The following BCAR3 variants were observed in gnomAD, a reference collection of about 807,000 sequenced individuals.
The protein encoded by BCAR3 is breast cancer anti-estrogen resistance protein 3.
In BCAR3, 37 loss-of-function variants were observed where a neutral mutation model predicts 80.1. That is an observed-to-expected ratio of 0.46 (90% CI 0.36 to 0.61). The LOEUF is 0.61. Among genes scored for constraint, BCAR3 ranks in the 20% least tolerant of loss-of-function variants. The pLI, the probability that BCAR3 is intolerant of heterozygous loss-of-function variation, is 0.00. For synonymous variants in BCAR3, 389 were observed against 418.9 expected (o/e 0.93, Z 0.87); for missense variants, 978 against 1,068.2 (o/e 0.92, Z 1.18).
chr1:93,663,983 C>T (rs772755275), intron 2 of BCAR3, among the ~76,000 whole-genome samples: 18 of 152,182 alleles, frequency 1.2e-4, no homozygotes, highest in Admixed American at 4.6e-4. Context: ...TCATGTACCT[C>T]GACCTTGGGA....
intron 3 of BCAR3, among the ~76,000 whole-genome samples, chr1:93,621,741 T>C (rs560973657): frequency 6.6e-6 from 1 of 152,162 alleles, no homozygotes; most frequent in South Asian, 2.1e-4. Context: ...AGCTACAAGT[T>C]TGACTCTCAA....
chr1:93,807,190 C>CCT (rs1365188291), intron 2 of BCAR3, among the ~76,000 whole-genome samples: 4 of 151,934 alleles, frequency 2.6e-5, no homozygotes, highest in Non-Finnish European at 5.9e-5. Flanking sequence ...TGGAGGAAAG[C>CCT]CTCCTCTCCA....
intron 2 of BCAR3, among the ~76,000 whole-genome samples, chr1:93,842,148 C>CTT (rs3068798): frequency 0.45 from 64,419 of 143,172 alleles, 14,637 homozygotes; most frequent in South Asian, 0.6. Flanking sequence ...ACCTGTCATC[C>CTT]TTTTTTTTTT....
chr1:93,594,027 A>C (rs1192387920), intron 3 of BCAR3, among the ~76,000 whole-genome samples: 2 of 152,212 alleles, frequency 1.3e-5, no homozygotes, highest in Non-Finnish European at 2.9e-5. Context: ...CGCTCCCATC[A>C]TTAATATTGT....
intron 2 of BCAR3, among the ~76,000 whole-genome samples, chr1:93,709,055 G>T (rs1359638472): frequency 6.6e-6 from 1 of 152,142 alleles, no homozygotes; most frequent in Non-Finnish European, 1.5e-5. Flanking sequence ...GAGAAGTGCT[G>T]CGATAAGCTA....
intron 2 of BCAR3, among the ~76,000 whole-genome samples, chr1:93,744,072 C>G (rs372339662): frequency 3.3e-5 from 5 of 152,314 alleles, no homozygotes; most frequent in African/African-American, 1.2e-4. Flanking sequence ...ACCACCCACA[C>G]TGTACATTAC....
In BCAR3 at chr1:93,733,232, G is replaced by C. The variant is rs944964672; in HGVS notation, c.-62-27090C>G. 3.3e-5 allele frequency among the ~76,000 whole-genome samples: 5 copies of C among 152,112 alleles called. No individual in the cohort carries two copies. The South Asian group carries it at 1.0e-3, about 32-fold the overall frequency. On this transcript the variant is annotated intron_variant, in intron 2 of 13. Coordinates refer to the BCAR3 transcript ENST00000370244. Reference sequence around the variant, plus strand: ...GAAGATTTGTCTCCTACTCAGGCCCGCCTGAGGACAAGTTCCCTGGAAGTA... The same window carrying C: ...GAAGATTTGTCTCCTACTCAGGCCCCCCTGAGGACAAGTTCCCTGGAAGTA...
At chr1:93,683,408 C>T (rs192049817), upstream of BCAR3, among the ~76,000 whole-genome samples, 71 of 152,274 alleles carry the variant, frequency 4.7e-4, no homozygotes, top group African/African-American at 1.7e-3. Flanking sequence ...TCTAGAAAAG[C>T]TAAATTAACA....
intron 5 of BCAR3, among the ~76,000 whole-genome samples, chr1:93,585,971 T>C (rs1435730945): frequency 1.3e-5 from 2 of 152,336 alleles, no homozygotes; most frequent in African/African-American, 2.4e-5. Flanking sequence ...ACATGAGATG[T>C]TTTGATACAG....
chr1:93,663,764 T>C (rs570096036), intron 2 of BCAR3, among the ~76,000 whole-genome samples: 21 of 152,290 alleles, frequency 1.4e-4, no homozygotes, highest in East Asian at 7.7e-4. Context: ...TACATCAAAG[T>C]GGCCCTGGCT....
At position 93,661,110 on chromosome 1, in the gene BCAR3, G is replaced by A. The variant is rs573137145; in HGVS notation, c.317+13504C>T. On this transcript the variant is annotated intron_variant, in intron 2 of 11. Coordinates refer to ENST00000260502, the MANE Select transcript of BCAR3 (RefSeq NM_003567.4). ...GCTGGAGTGCAATGGCATGATCTCCGCTCACCACAACCTCCGCCTCCCGGG... is the reference window on the plus strand; with the variant it reads ...GCTGGAGTGCAATGGCATGATCTCCACTCACCACAACCTCCGCCTCCCGGG... Among the ~76,000 whole-genome samples, 9 of 151,912 alleles carry A rather than the reference G, an allele frequency of 5.9e-5. No individual in the cohort carries two copies. In the East Asian group the frequency reaches 7.8e-4, roughly 13 times the overall value.
intron 2 of BCAR3, among the ~76,000 whole-genome samples, chr1:93,821,848 A>G (rs1438720942): frequency 6.6e-6 from 1 of 152,244 alleles, no homozygotes; most frequent in Non-Finnish European, 1.5e-5. Flanking sequence ...AGAATCAATT[A>G]GATTGCTCAG....
upstream of BCAR3, among the ~76,000 whole-genome samples, chr1:93,684,893 C>G (rs1049720499): frequency 6.6e-6 from 1 of 152,148 alleles, no homozygotes; most frequent in African/African-American, 2.4e-5. Flanking sequence ...GCATGCCCAG[C>G]TAATTTTTGT....
intron 7 of BCAR3, among the ~76,000 whole-genome samples, chr1:93,580,030 C>T (rs550804390): frequency 1.1e-4 from 16 of 152,310 alleles, no homozygotes; most frequent in Admixed American, 1.0e-3. Flanking sequence ...CCAGTGCAGC[C>T]CTGGCTCTCT....
chr1:93,591,383 G>A (rs528528378), intron 4 of BCAR3, among the ~76,000 whole-genome samples: 2 of 152,214 alleles, frequency 1.3e-5, no homozygotes, highest in South Asian at 2.1e-4. Context: ...GCTGAGGCAG[G>A]AGAATCGCTT....
chr1:93,837,908 G>A (rs1654824267), intron 2 of BCAR3, among the ~76,000 whole-genome samples: 2 of 152,194 alleles, frequency 1.3e-5, no homozygotes, highest in South Asian at 4.1e-4. Context: ...AAATGTACCT[G>A]AAGAATTAAT....
intron 3 of BCAR3, among the ~76,000 whole-genome samples, chr1:93,610,629 T>A (rs1570966648): frequency 6.6e-6 from 1 of 152,174 alleles, no homozygotes; most frequent in Non-Finnish European, 1.5e-5. Context: ...TAGGCGTCAA[T>A]TGTCTTAATA....
rs1674069743 is a variant in BCAR3, at chr1:93,589,181, G to T, written c.725C>A (p.Ser242Tyr). The T allele has an allele frequency of 6.2e-7, 1 of 1,613,908 alleles. No individual in the cohort carries two copies. Among genetic ancestry groups the T allele is most frequent in the Non-Finnish European group, 8.5e-7 (1 of 1,179,984 alleles). Reference protein sequence around the residue: ...RCYVGNRRPISQQSGAIIFQP... With the variant: ...RCYVGNRRPIYQQSGAIIFQP... ...GAAGATGATGGCGCCACTCTGCTGGGAGATGGGCCGGCGGTTGCCCACGTA... is the reference window on the plus strand; with the variant it reads ...GAAGATGATGGCGCCACTCTGCTGGTAGATGGGCCGGCGGTTGCCCACGTA... The change falls in exon 5 of 12, where the codon TCC becomes TAC. Residue 242 changes from serine to tyrosine, a missense_variant. Coordinates refer to ENST00000260502, the MANE Select transcript of BCAR3 (RefSeq NM_003567.4).
chr1:93,610,890 C>A (rs1055202410), intron 3 of BCAR3, among the ~76,000 whole-genome samples: 2 of 151,796 alleles, frequency 1.3e-5, no homozygotes, highest in Admixed American at 1.3e-4. Flanking sequence ...GAGATCACGC[C>A]ATTGCACTCC....
Sources: allele counts gnomAD v4.1 joint callset (sites outside exome capture counted in the v4.1 genomes callset), GRCh38; gene constraint gnomAD v4.1.1; transcripts MANE v1.5; gene names NCBI Gene and HGNC (gene_info 2026-07-23, HGNC 2026-07-21).